Variants in TBC1D14 observed in about 807,000 individuals in gnomAD.
The protein encoded by TBC1D14 is TBC1 domain family member 14.
In TBC1D14, 26 loss-of-function variants were observed where a neutral mutation model predicts 79.0. The observed-to-expected ratio is 0.33, with a 90% CI of 0.24 to 0.46. The LOEUF is 0.46. Among genes scored for constraint, TBC1D14 ranks in the 20% least tolerant of loss-of-function variants. The pLI, the probability that TBC1D14 is intolerant of heterozygous loss-of-function variation, is 1.00. For missense variants in TBC1D14, 769 were observed against 887.6 expected (o/e 0.87, Z 1.70); for synonymous variants, 394 against 349.9 (o/e 1.13, Z -1.40).
chr4:6,948,088 A>G (rs1342743740), intron 2 of TBC1D14, among the ~76,000 whole-genome samples: 1 of 152,194 alleles, frequency 6.6e-6, no homozygotes, highest in Non-Finnish European at 1.5e-5. Context: ...GGAAGGCTGC[A>G]CGGGAGAGTG....
At chr4:6,988,643 G>C (rs1332444281) in intron 3 of TBC1D14, among the ~76,000 whole-genome samples, 1 of 152,204 alleles carries the variant, frequency 6.6e-6, no homozygotes, top group Non-Finnish European at 1.5e-5. Context: ...GGTGAATCTT[G>C]ATACTGCAGA....
chr4:7,027,642 CATCACACACCCCCACAATCACCCCACACA>C (rs1560371466), intron 13 of TBC1D14, among the ~76,000 whole-genome samples: 1 of 143,174 alleles, frequency 7.0e-6, no homozygotes, highest in African/African-American at 2.6e-5. Context: ...ACCCCACACA[CATCACACACCCCCACAATCACCCCACACA>C]ATCACACACC....
At position 6,972,961 on chromosome 4, in the gene TBC1D14, G is replaced by A. The variant is rs116262418; in HGVS notation, c.843+5537G>A. 4.7e-3 allele frequency among the ~76,000 whole-genome samples: 721 copies of A among 152,298 alleles called. 5 individuals are homozygous for A. Among genetic ancestry groups the A allele is most frequent in the African/African-American group, 0.016 (663 of 41,560 alleles). On this transcript the variant is annotated intron_variant, in intron 3 of 13. Coordinates refer to ENST00000409757, the MANE Select transcript of TBC1D14 (RefSeq NM_020773.3). ...CGGTAACTCTTTCCGACATAACACT[G>A]TGTACATAGGCTGTAGGGATTGACG...
At chr4:6,910,880 C>T (rs1247081965) in intron 1 of TBC1D14, among the ~76,000 whole-genome samples, 3 of 152,184 alleles carry the variant, frequency 2.0e-5, no homozygotes, top group African/African-American at 2.4e-5. Flanking sequence ...CTGGAGGTCC[C>T]TGGGCATCAC....
chr4:6,977,432 G>T (rs1577110143), intron 3 of TBC1D14, among the ~76,000 whole-genome samples: 1 of 142,298 alleles, frequency 7.0e-6, no homozygotes, highest in East Asian at 2.3e-4. Context: ...GCTCAATGGT[G>T]CCCAGGCTGG....
intron 2 of TBC1D14, among the ~76,000 whole-genome samples, chr4:6,952,830 GT>G (rs1160331828): frequency 1.3e-5 from 2 of 150,948 alleles, no homozygotes; most frequent in African/African-American, 2.4e-5. Flanking sequence ...GTTTAGACTA[GT>G]TTTTTTTTGT....
chr4:6,913,467 C>T (rs765332015), intron 1 of TBC1D14, among the ~76,000 whole-genome samples: 3 of 152,176 alleles, frequency 2.0e-5, no homozygotes, highest in Admixed American at 6.5e-5. Flanking sequence ...TTCATAAGTA[C>T]GCCAGCAGGC....
At chr4:6,992,316 C>T (rs1560318873) in intron 3 of TBC1D14, among the ~76,000 whole-genome samples, 1 of 147,716 alleles carries the variant, frequency 6.8e-6, no homozygotes, top group African/African-American at 2.5e-5. Context: ...TCTAAAACTG[C>T]ACACCTGTGG....
chr4:6,939,489 G>A (rs992767874), intron 2 of TBC1D14, among the ~76,000 whole-genome samples: 2 of 152,156 alleles, frequency 1.3e-5, no homozygotes, highest in African/African-American at 2.4e-5. Context: ...TTAGAACTCA[G>A]CAAGTGCTTG....
intron 2 of TBC1D14, among the ~76,000 whole-genome samples, chr4:6,941,368 TA>T: frequency 6.6e-6 from 1 of 152,002 alleles, no homozygotes; most frequent in East Asian, 1.9e-4. Flanking sequence ...GTATTTTTAG[TA>T]AAGACAGGGT....
intron 2 of TBC1D14, among the ~76,000 whole-genome samples, chr4:6,959,991 T>G (rs1413854086): frequency 6.6e-6 from 1 of 152,152 alleles, no homozygotes; most frequent in Non-Finnish European, 1.5e-5. Flanking sequence ...TTTATGAACT[T>G]TTTTCCATCA....
chr4:6,951,149 G>A (rs867059112), intron 2 of TBC1D14, among the ~76,000 whole-genome samples: 7 of 152,070 alleles, frequency 4.6e-5, no homozygotes, highest in African/African-American at 7.2e-5. Flanking sequence ...AAAATTAGCC[G>A]CGTGTAGTGG....
chr4:7,027,038 C>A (rs1182676083), intron 13 of TBC1D14, among the ~76,000 whole-genome samples: 3 of 152,088 alleles, frequency 2.0e-5, no homozygotes, highest in Non-Finnish European at 2.9e-5. Context: ...TGGTGAAAAC[C>A]CATCTCTACT....
intron 12 of TBC1D14, among the ~76,000 whole-genome samples, chr4:7,019,665 C>A (rs898749213): frequency 2.0e-5 from 3 of 152,236 alleles, no homozygotes; most frequent in Non-Finnish European, 4.4e-5. Context: ...TTGGCCCCTG[C>A]CAAGTGCTGG....
At chr4:6,917,955 C>T (rs1028610976) in intron 1 of TBC1D14, among the ~76,000 whole-genome samples, 2 of 152,118 alleles carry the variant, frequency 1.3e-5, no homozygotes, top group Non-Finnish European at 2.9e-5. Flanking sequence ...AGCGGAAGTA[C>T]TTTTTCCTTT....
chr4:6,995,417 T>G (rs545821940), intron 4 of TBC1D14: 1 of 152,198 alleles, frequency 6.6e-6, no homozygotes, highest in Non-Finnish European at 1.5e-5. Flanking sequence ...CTTTGGAGTG[T>G]GGGGTGAAAA....
intron 2 of TBC1D14, among the ~76,000 whole-genome samples, chr4:6,953,950 G>T (rs1363798396): frequency 6.6e-6 from 1 of 152,180 alleles, no homozygotes; most frequent in Admixed American, 6.5e-5. Context: ...TGTGCTTGGC[G>T]CTTTTCCAGG....
intron 1 of TBC1D14, among the ~76,000 whole-genome samples, chr4:6,920,336 C>G (rs1457039210): frequency 2.0e-5 from 3 of 149,640 alleles, no homozygotes; most frequent in African/African-American, 7.4e-5. Context: ...CAGTGGTGAT[C>G]ATAGCTCATT....
chr4:6,980,860 C>T (rs1166816157), intron 3 of TBC1D14, among the ~76,000 whole-genome samples: 4 of 151,524 alleles, frequency 2.6e-5, no homozygotes, highest in Non-Finnish European at 2.9e-5. Context: ...GGACTACAGG[C>T]GCCCGCCACC....
Sources: allele counts gnomAD v4.1 joint callset (sites outside exome capture counted in the v4.1 genomes callset), GRCh38; gene constraint gnomAD v4.1.1; transcripts MANE v1.5; gene names NCBI Gene and HGNC (gene_info 2026-07-23, HGNC 2026-07-21).